ZFAND2A: variants seen among roughly 807,000 people sequenced by gnomAD.
ZFAND2A encodes the protein AN1-type zinc finger protein 2A.
Under a neutral mutation model 11.6 loss-of-function variants are expected in ZFAND2A, and 20 were observed. The ratio of observed to expected loss-of-function variants is 1.72; its 90% CI spans 1.21 to 2.50. ZFAND2A has a LOEUF of 2.50. Among genes scored for constraint, ZFAND2A ranks in the 30% most tolerant of loss-of-function variants. The pLI, the probability that ZFAND2A is intolerant of heterozygous loss-of-function variation, is 0.00. For synonymous variants in ZFAND2A, 93 were observed against 60.6 expected (o/e 1.54, Z -2.48); for missense variants, 234 against 182.9 (o/e 1.28, Z -1.61).
chr7:1,152,750 G>A (rs559472732), downstream of ZFAND2A, among the ~76,000 whole-genome samples: 6 of 152,194 alleles, frequency 3.9e-5, no homozygotes, highest in South Asian at 2.1e-4. Flanking sequence ...AGACGCAGCC[G>A]ATGCTCCCCG....
chr7:1,158,292 G>A (rs757850439), intron 1 of ZFAND2A, 35 bp from the exon 2 acceptor site: 17 of 1,329,808 alleles, frequency 1.3e-5, no homozygotes, highest in East Asian at 6.9e-5. Context: ...GAGGAAAGCT[G>A]GACTGCCCTT....
rs1562347380 is a variant in ZFAND2A, at chr7:1,157,864, C to A, written c.56-114G>T. ...TTTTAGGCCTATGAGATGGACAGGT[C>A]CTCGAGGGCCACACATGTGAAAACA... On this transcript the variant is annotated intron_variant, in intron 2 of 4. Coordinates refer to ENST00000316495, the MANE Select transcript of ZFAND2A (RefSeq NM_182491.4). The A allele has an allele frequency of 3.7e-6, 3 of 804,236 alleles. No homozygotes were observed. The East Asian group carries it at 7.7e-5, about 21-fold the overall frequency. The allele number at this position is 804,236 out of a possible 1,614,324, so 49.8% of individuals were successfully genotyped here.
At chr7:1,158,833 G>C (rs1793598711) in intron 1 of ZFAND2A, among the ~76,000 whole-genome samples, 1 of 152,158 alleles carries the variant, frequency 6.6e-6, no homozygotes, top group South Asian at 2.1e-4. Context: ...ACTCGAGAGA[G>C]AATCAAGGGG....
intron 4 of ZFAND2A, 42 bp from the exon 5 acceptor site, chr7:1,153,266 G>A (rs1793442766): frequency 1.3e-6 from 2 of 1,597,822 alleles, no homozygotes; most frequent in East Asian, 2.2e-5. Flanking sequence ...TCTTTTTTTG[G>A]AGACAGGGTC....
rs77384336 is a variant in ZFAND2A, at chr7:1,156,624, T to A, written c.150+1032A>T. Among the ~76,000 whole-genome samples the A allele has an allele frequency of 8.9e-3, 1,284 of 144,810 alleles. 11 individuals are homozygous for A. Among genetic ancestry groups the A allele is most frequent in the African/African-American group, 0.029 (1,097 of 38,180 alleles). Reference sequence around the variant, plus strand: ...ACCGCCCAGCAGCTAACGCCCAGCATGGCTAAAAACCTGAGCCAGGGCAGG... The same window carrying A: ...ACCGCCCAGCAGCTAACGCCCAGCAAGGCTAAAAACCTGAGCCAGGGCAGG... On this transcript the variant is annotated intron_variant, in intron 3 of 4. Coordinates refer to ENST00000316495, the MANE Select transcript of ZFAND2A (RefSeq NM_182491.4).
Position 1,155,515 on chromosome 7 carries a change from C to T in ZFAND2A, c.220G>A (p.Val74Met), listed in dbSNP as rs527420198. Residue 74 changes from valine to methionine, a missense_variant, in exon 4 of 5, where the codon GTG becomes ATG. Transcript: ENST00000316495. ...CTGTCAATGTGATCACCAACCACCA[C>T]GTCTGGTATCTGGCCCTTTTTTACT... The part of the protein sequence containing the change: ...IPVKKGQIPD[V>M]VVGDHIDRDC... 31 of 1,613,948 alleles carry T rather than the reference C, an allele frequency of 1.9e-5. No individual in the cohort carries two copies. Among genetic ancestry groups the T allele is most frequent in the African/African-American group, 4.0e-5 (3 of 75,016 alleles).
In ZFAND2A at chr7:1,158,971, C is replaced by G. The variant is rs545123762; in HGVS notation, c.-45-714G>C. ...GGCCTTTTCCTGACCTTCCCATCAGCTCTCTCCCCACTCCTGGAGGCCTCC... is the reference window on the plus strand; with the variant it reads ...GGCCTTTTCCTGACCTTCCCATCAGGTCTCTCCCCACTCCTGGAGGCCTCC... On this transcript the variant is annotated intron_variant, in intron 1 of 4. Transcript: ENST00000316495. Among the ~76,000 whole-genome samples the G allele has an allele frequency of 4.9e-4, 75 of 152,250 alleles. 1 individual carries two copies. The South Asian group carries it at 0.015, about 31-fold the overall frequency.
intron 4 of ZFAND2A, among the ~76,000 whole-genome samples, chr7:1,155,235 A>C (rs2128257974): frequency 6.6e-6 from 1 of 152,336 alleles, no homozygotes; most frequent in Non-Finnish European, 1.5e-5. Flanking sequence ...CAGTCAAGAA[A>C]GACGAACCTG....
Position 1,153,123 on chromosome 7 carries a change from G to A in ZFAND2A, c.384C>T (p.His128=). 1.2e-6 allele frequency: 2 copies of A among 1,614,200 alleles called. No individual in the cohort carries two copies. Among genetic ancestry groups the A allele is most frequent in the Non-Finnish European group, 1.7e-6 (2 of 1,180,046 alleles). The change falls in exon 5 of 5, where the codon CAC becomes CAT. Residue 128 remains histidine (H), a synonymous_variant. Coordinates refer to ENST00000316495, the MANE Select transcript of ZFAND2A (RefSeq NM_182491.4). The stretch of plus-strand genomic sequence containing the variant: ...CGTGTCTGCAGCTGTGGTCCAAAGG[G>A]TGTCTGTGCTGGATACAGAAGTTGC... ...CHGNFCIQHR[H]PLDHSCRHGS...
rs547921179 is a variant in ZFAND2A at position 1,157,769 on chromosome 7, G to T, written c.56-19C>A. On this transcript the variant is annotated intron_variant, in intron 2 of 4. Coordinates refer to ENST00000316495, the MANE Select transcript of ZFAND2A (RefSeq NM_182491.4). ...AGAAAATCTAAAAAACAAAAAACAG[G>T]GAAGTGTTTTAACGACTGGAACAAA... 1 of 1,523,172 alleles carries T rather than the reference G, an allele frequency of 6.6e-7. No homozygotes were observed. Among genetic ancestry groups the T allele is most frequent in the Admixed American group, 2.3e-5 (1 of 43,100 alleles). 94.4% of individuals were successfully genotyped at this position (1,523,172 alleles called of 1,614,324 possible). A position where few individuals can be genotyped will look rare whatever the true frequency, so the allele number is the denominator to read the frequency against.
chr7:1,158,638 C>A (rs1021324196), intron 1 of ZFAND2A, among the ~76,000 whole-genome samples: 1 of 150,072 alleles, frequency 6.7e-6, no homozygotes, highest in Non-Finnish European at 1.5e-5. Context: ...TGCTAAATCA[C>A]ATCAGTTGAC....
downstream of ZFAND2A, among the ~76,000 whole-genome samples, chr7:1,148,965 CTATT>C (rs765666365): frequency 4.0e-5 from 6 of 150,824 alleles, no homozygotes; most frequent in East Asian, 2.0e-4. Context: ...ATCTGTCTGG[CTATT>C]TATTTTTTTT....
chr7:1,154,403 G>A (rs1793472999), intron 4 of ZFAND2A, among the ~76,000 whole-genome samples: 1 of 152,174 alleles, frequency 6.6e-6, no homozygotes, highest in East Asian at 1.9e-4. Flanking sequence ...CCACCAAAAG[G>A]ACAGGAGCAC....
chr7:1,157,595 A>T, intron 3 of ZFAND2A, 61 bp downstream of exon 3: 1 of 1,495,354 alleles, frequency 6.7e-7, no homozygotes, highest in Non-Finnish European at 9.1e-7. Context: ...CTACCATACC[A>T]GCAAGACAGT....
downstream of ZFAND2A, chr7:1,152,833 C>CG (rs2128257177): frequency 3.0e-6 from 2 of 665,700 alleles, no homozygotes; most frequent in East Asian, 5.9e-5. Context: ...GTGAAAGAAC[C>CG]GATTTCTATG....
chr7:1,158,884 C>A (rs538665409), intron 1 of ZFAND2A, among the ~76,000 whole-genome samples: 3 of 152,146 alleles, frequency 2.0e-5, no homozygotes, highest in Non-Finnish European at 4.4e-5. Context: ...CACCAGCCCT[C>A]CCGGGGCCTT....
downstream of ZFAND2A, chr7:1,152,135 C>T (rs750835033): frequency 1.4e-5 from 19 of 1,336,506 alleles, no homozygotes; most frequent in Non-Finnish European, 1.9e-5. Flanking sequence ...CTGACGAAGT[C>T]GCACCACTGG....
chr7:1,155,541 G>A lies in ZFAND2A; in HGVS notation c.194C>T (p.Pro65Leu). The stretch of plus-strand genomic sequence containing the variant: ...GTCTGGTATCTGGCCCTTTTTTACT[G>A]GGATGGGGGTATTACAGAGTGGGCA... Reference protein sequence around the residue: ...PVCPLCNTPIPVKKGQIPDVV... With the variant: ...PVCPLCNTPILVKKGQIPDVV... The change falls in exon 4 of 5, where the codon CCA (proline) becomes CTA (leucine). Residue 65 changes from proline to leucine, a missense_variant. Physicochemically the swap from Pro to Leu is moderately conservative, Grantham distance 98. Coordinates refer to ENST00000316495, the MANE Select transcript of ZFAND2A (RefSeq NM_182491.4). 3 of 1,613,880 alleles carry A rather than the reference G, an allele frequency of 1.9e-6. No homozygotes were observed. Among genetic ancestry groups the A allele is most frequent in the Admixed American group, 1.7e-5 (1 of 59,980 alleles).
intron 1 of ZFAND2A, among the ~76,000 whole-genome samples, chr7:1,159,354 C>T (rs562895725): frequency 2.6e-5 from 4 of 152,240 alleles, no homozygotes; most frequent in Non-Finnish European, 5.9e-5. Context: ...AGCAAGAAAA[C>T]ACACATCTAC....
Sources: gnomAD v4.1 joint callset for allele counts (sites outside exome capture counted in the v4.1 genomes callset) on GRCh38, gnomAD v4.1.1 for gene constraint, MANE v1.5 for transcripts, NCBI Gene and HGNC (gene_info 2026-07-23, HGNC 2026-07-21) for gene names.